The following THSD7B variants were observed in gnomAD, a reference collection of about 807,000 sequenced individuals.
THSD7B encodes the protein thrombospondin type-1 domain-containing protein 7B.
In THSD7B, 138 loss-of-function variants were observed where a neutral mutation model predicts 213.6. The observed-to-expected ratio is 0.65, with a 90% CI of 0.56 to 0.74. THSD7B has a LOEUF of 0.74. THSD7B is among the 30% of genes least tolerant of loss of function. The pLI is 0.00. For missense variants in THSD7B, 1,931 were observed against 1,991.5 expected (o/e 0.97, Z 0.58); for synonymous variants, 742 against 687.0 (o/e 1.08, Z -1.25).
chr2:137,333,091 T>C (rs72977621), intron 12 of THSD7B, among the ~76,000 whole-genome samples: 1,869 of 152,194 alleles, frequency 0.012, 50 homozygotes, highest in African/African-American at 0.042. Flanking sequence ...CAGAGAAATT[T>C]TGGGAGGGTC....
At position 137,272,640 on chromosome 2, in the gene THSD7B, G is replaced by A. The variant is rs944909560; in HGVS notation, c.2374G>A (p.Val792Ile). The A allele has an allele frequency of 1.2e-6, 2 of 1,611,868 alleles. No individual in the cohort carries two copies. The highest frequency in any genetic ancestry group is 1.7e-6 in the Non-Finnish European group (2 of 1,178,826). ...ATATGAGGAGAGAGAGTGTGAAGATGTTTCCTTGTGTCCTGTATATCGGCA... is the reference window on the plus strand; with the variant it reads ...ATATGAGGAGAGAGAGTGTGAAGATATTTCCTTGTGTCCTGTATATCGGCA... The part of the protein sequence containing the change: ...TLYEERECED[V>I]SLCPVYRWKP... The change falls in exon 11 of 28, where the codon GTT becomes ATT. Residue 792 changes from valine to isoleucine, a missense_variant. By Grantham distance (29) the Val-to-Ile change is conservative. Coordinates refer to ENST00000409968, the MANE Select transcript of THSD7B (RefSeq NM_001316349.2).
chr2:136,774,864 A>T (rs945098165), intron 1 of THSD7B, among the ~76,000 whole-genome samples: 5 of 152,044 alleles, frequency 3.3e-5, no homozygotes, highest in African/African-American at 9.7e-5. Context: ...TTTTATTTTT[A>T]TTTTTTTATA....
At chr2:137,503,625 A>G (rs965102962) in intron 15 of THSD7B, among the ~76,000 whole-genome samples, 2 of 152,210 alleles carry the variant, frequency 1.3e-5, no homozygotes, top group African/African-American at 4.8e-5. Flanking sequence ...TACATTCCAG[A>G]TTACCTACTT....
intron 6 of THSD7B, among the ~76,000 whole-genome samples, chr2:137,169,276 T>C (rs923341402): frequency 2.1e-5 from 3 of 146,062 alleles, no homozygotes; most frequent in African/African-American, 7.5e-5. Context: ...TTTTAAGTGC[T>C]TTATTTGAGG....
chr2:136,965,651 T>C (rs1685301731), intron 2 of THSD7B, among the ~76,000 whole-genome samples: 2 of 152,314 alleles, frequency 1.3e-5, no homozygotes, highest in African/African-American at 4.8e-5. Context: ...GACATCTCTG[T>C]TCTATATGAC....
At chr2:137,293,415 A>T (rs1210274056) in intron 12 of THSD7B, among the ~76,000 whole-genome samples, 1 of 152,072 alleles carries the variant, frequency 6.6e-6, no homozygotes, top group Admixed American at 6.5e-5. Flanking sequence ...CTGAGATTAC[A>T]TGGGTGACCC....
At chr2:137,466,717 T>C (rs573138197) in intron 15 of THSD7B, among the ~76,000 whole-genome samples, 1 of 152,242 alleles carries the variant, frequency 6.6e-6, no homozygotes, top group Admixed American at 6.5e-5. Context: ...TTAGGATGAT[T>C]TGCAACTAAA....
rs867224105 is a variant in THSD7B at position 137,009,253 on chromosome 2, C to T, written c.140-47167C>T. 3.9e-5 allele frequency among the ~76,000 whole-genome samples: 6 copies of T among 152,080 alleles called. 1 individual carries two copies. The South Asian group carries it at 6.2e-4, about 16-fold the overall frequency. Reference sequence around the variant, plus strand: ...AATGGGGCTTATCATATACTATTGTCGTTATTTGCCTGCCTTGAATCATTG... The same window carrying T: ...AATGGGGCTTATCATATACTATTGTTGTTATTTGCCTGCCTTGAATCATTG... On this transcript the variant is annotated intron_variant, in intron 2 of 27. Transcript: ENST00000409968.
chr2:137,015,205 AATG>A (rs1406049049), intron 2 of THSD7B, among the ~76,000 whole-genome samples: 9 of 152,176 alleles, frequency 5.9e-5, no homozygotes, highest in African/African-American at 1.9e-4. Flanking sequence ...AAATAGTAAT[AATG>A]ATAACTAGAG....
chr2:137,512,655 A>G (rs1679991128), intron 15 of THSD7B, among the ~76,000 whole-genome samples: 1 of 151,944 alleles, frequency 6.6e-6, no homozygotes, highest in African/African-American at 2.4e-5. Context: ...CAGCCTCCTG[A>G]AGTGCTGGGA....
intron 12 of THSD7B, among the ~76,000 whole-genome samples, chr2:137,333,798 G>A (rs1335975950): frequency 1.3e-5 from 2 of 152,188 alleles, no homozygotes; most frequent in East Asian, 3.9e-4. Flanking sequence ...GTCTCCTCTA[G>A]TTACATCATC....
At chr2:137,397,695 A>G (rs1436365267) in intron 12 of THSD7B, among the ~76,000 whole-genome samples, 1 of 151,754 alleles carries the variant, frequency 6.6e-6, no homozygotes, top group Non-Finnish European at 1.5e-5. Flanking sequence ...GTATTTCCTG[A>G]ATCTGAACGT....
intron 15 of THSD7B, among the ~76,000 whole-genome samples, chr2:137,543,717 T>A (rs1680648944): frequency 6.6e-6 from 1 of 151,714 alleles, no homozygotes; most frequent in African/African-American, 2.4e-5. Context: ...ACCATACATC[T>A]GATAAGGGTG....
At chr2:137,248,697 A>G (rs1008064068) in intron 10 of THSD7B, among the ~76,000 whole-genome samples, 1 of 152,148 alleles carries the variant, frequency 6.6e-6, no homozygotes, top group Non-Finnish European at 1.5e-5. Flanking sequence ...ACCTTTGTTC[A>G]TCCATTTGTT....
intron 12 of THSD7B, among the ~76,000 whole-genome samples, chr2:137,399,097 A>C (rs1252482988): frequency 1.3e-5 from 2 of 151,602 alleles, no homozygotes; most frequent in Non-Finnish European, 2.9e-5. Flanking sequence ...CCGGTACCTC[A>C]GATGGAAATG....
chr2:136,993,471 A>T (rs1685824978), intron 2 of THSD7B, among the ~76,000 whole-genome samples: 2 of 152,348 alleles, frequency 1.3e-5, no homozygotes, highest in South Asian at 4.1e-4. Context: ...TTAGCCTTGT[A>T]GTCAAGAATC....
At chr2:137,211,917 C>A (rs192936468) in intron 7 of THSD7B, among the ~76,000 whole-genome samples, 2 of 152,132 alleles carry the variant, frequency 1.3e-5, no homozygotes, top group East Asian at 3.9e-4. Context: ...TCAAATGAAT[C>A]TGTACCAGAT....
At chr2:137,374,015 G>A (rs1208995148) in intron 12 of THSD7B, among the ~76,000 whole-genome samples, 2 of 152,080 alleles carry the variant, frequency 1.3e-5, no homozygotes, top group African/African-American at 2.4e-5. Flanking sequence ...TTGTAGATAT[G>A]CGGTGTTATT....
At chr2:136,925,725 G>T (rs1294483951) in intron 2 of THSD7B, among the ~76,000 whole-genome samples, 1 of 152,140 alleles carries the variant, frequency 6.6e-6, no homozygotes, top group Non-Finnish European at 1.5e-5. Flanking sequence ...TTCTTTGGAA[G>T]AGTTTAAGGG....
Sources: gnomAD v4.1 joint callset for allele counts (sites outside exome capture counted in the v4.1 genomes callset) on GRCh38, gnomAD v4.1.1 for gene constraint, MANE v1.5 for transcripts, NCBI Gene and HGNC (gene_info 2026-07-23, HGNC 2026-07-21) for gene names.